Variants in CNKSR1 observed in about 807,000 individuals in gnomAD.
CNKSR1 encodes connector enhancer of kinase suppressor of Ras 1.
Under a neutral mutation model 95.6 loss-of-function variants are expected in CNKSR1, and 88 were observed. The ratio of observed to expected loss-of-function variants is 0.92; its 90% CI spans 0.78 to 1.10. The LOEUF is 1.10. Among genes scored for constraint, CNKSR1 ranks in the 50% least tolerant of loss-of-function variants. The pLI is 0.00. For synonymous variants in CNKSR1, 355 were observed against 369.7 expected (o/e 0.96, Z 0.46); for missense variants, 836 against 912.0 (o/e 0.92, Z 1.07).
chr1:26,187,862 C>T (rs995476517), intron 16 of CNKSR1, among the ~76,000 whole-genome samples: 10 of 151,944 alleles, frequency 6.6e-5, no homozygotes, highest in African/African-American at 2.4e-4. Flanking sequence ...ACCTTGTGAT[C>T]CGCCTGCCTC....
At position 26,187,407 on chromosome 1, in the gene CNKSR1, G is replaced by T; in HGVS notation, c.1383-4G>T. 1 of 1,614,004 alleles carries T rather than the reference G, an allele frequency of 6.2e-7. No homozygotes were observed. Among genetic ancestry groups the T allele is most frequent in the Non-Finnish European group, 8.5e-7 (1 of 1,179,952 alleles). On this transcript the variant is annotated splice_polypyrimidine_tract_variant and splice_region_variant and intron_variant, in intron 15 of 20. Coordinates refer to ENST00000361530, the MANE Select transcript of CNKSR1 (RefSeq NM_006314.3). The stretch of plus-strand genomic sequence containing the variant: ...CTGAGTGATGCTCCTCCACTACCTG[G>T]CAGTGTGTTTCAGCTCACCCATGAT...
At position 26,187,166 on chromosome 1, in the gene CNKSR1, A is replaced by G. The variant is rs1311140273; in HGVS notation, c.1309-2A>G. ...CTGACCCTCATGCTGTGATCCCCCC[A>G]GGATGAGAAGGCTGAGGGCCTCATC... On this transcript the variant is annotated splice_acceptor_variant, in intron 14 of 20. Transcript: ENST00000361530. LOFTEE classifies it high-confidence loss of function. 2.5e-6 allele frequency: 4 copies of G among 1,613,560 alleles called. No individual in the cohort carries two copies. In the Admixed American group the frequency reaches 5.0e-5, roughly 20 times the overall value.
In CNKSR1 at chr1:26,184,594, G is replaced by A; in HGVS notation, c.1117G>A (p.Gly373Ser). The change falls in exon 13 of 21, where the codon GGT (glycine) becomes AGT (serine). Residue 373 changes from glycine (G) to serine (S), a missense_variant. By Grantham distance (56) the Gly-to-Ser change is moderately conservative (BLOSUM62 0). Transcript: ENST00000361530. ...TCTGCTGTCCTTTCAGAGTCCTGTT[G>A]GTCGGAAGAAATCAAAAGGTATGAG... is the stretch of plus-strand genomic sequence containing the variant. ...LPESPDKSPVGRKKSKGLATR... is the reference protein window; with the variant it reads ...LPESPDKSPVSRKKSKGLATR... 1 of 1,606,588 alleles carries A rather than the reference G, an allele frequency of 6.2e-7. No homozygotes were observed. The highest frequency in any genetic ancestry group is 8.5e-7 in the Non-Finnish European group (1 of 1,176,876).
At chr1:26,184,014 C>T (rs1052318474) in intron 9 of CNKSR1, 57 bp from the exon 10 acceptor site, 3 of 1,315,350 alleles carry the variant, frequency 2.3e-6, no homozygotes, top group Non-Finnish European at 3.3e-6. Context: ...CCCCTGTTGC[C>T]CCCCAACCTG....
intron 3 of CNKSR1, chr1:26,181,595 CAA>C: frequency 2.2e-6 from 1 of 446,506 alleles, no homozygotes; most frequent in South Asian, 2.4e-5. Context: ...TCATTACAGC[CAA>C]AGTTAAATTG....
chr1:26,188,961 G>A lies in CNKSR1; in HGVS notation c.1872+8G>A. 1 of 1,612,490 alleles carries A rather than the reference G, an allele frequency of 6.2e-7. No homozygotes were observed. On this transcript the variant is annotated splice_region_variant and intron_variant, in intron 20 of 20. Transcript: ENST00000361530. Reference sequence around the variant, plus strand: ...CTACAGAGCACACTCAAGGTCAGCTGGGGGGCTCTGGGCACAGCAAGGGAC... The same window carrying A: ...CTACAGAGCACACTCAAGGTCAGCTAGGGGGCTCTGGGCACAGCAAGGGAC...
chr1:26,187,570 A>G, intron 16 of CNKSR1, 88 bp downstream of exon 16: 1 of 1,302,508 alleles, frequency 7.7e-7, no homozygotes, highest in Non-Finnish European at 1.1e-6. Flanking sequence ...CTGGAGATAC[A>G]AATTCCAGCT....
At position 26,183,814 on chromosome 1, in the gene CNKSR1, C is replaced by T. The variant is rs200509229; in HGVS notation, c.839C>T (p.Pro280Leu). 3.7e-5 allele frequency: 60 copies of T among 1,607,442 alleles called. No homozygotes were observed. Among genetic ancestry groups the T allele is most frequent in the South Asian group, 7.7e-5 (7 of 90,850 alleles). The change falls in exon 9 of 21, where the codon CCG becomes CTG. Residue 280 changes from proline to leucine, a missense_variant. Transcript: ENST00000361530. ...TTAGTGCTGAAGAAGATCCCGATACCGGAGACCCCCCCACAGGTACCTTCC... is the reference window on the plus strand; with the variant it reads ...TTAGTGCTGAAGAAGATCCCGATACTGGAGACCCCCCCACAGGTACCTTCC... ...LSLVLKKIPIPETPPQTPPQV... is the reference protein window; with the variant it reads ...LSLVLKKIPILETPPQTPPQV...
rs1557623481 is a variant in CNKSR1, at chr1:26,185,136, CGCT to C, written c.1260_1262del (p.Trp421del). The C allele has an allele frequency of 6.3e-7, 1 of 1,577,706 alleles. No individual in the cohort carries two copies. The highest frequency in any genetic ancestry group is 2.3e-5 in the East Asian group (1 of 43,064). On this transcript the variant is annotated inframe_deletion, in exon 14 of 21. Transcript: ENST00000361530. Reference sequence around the variant, plus strand: ...CTTCATGGGCCCGCGCTGGCGCCGCCGCTGGTTTGTGCTCAAGGGACACACGCT... The same window carrying C: ...CTTCATGGGCCCGCGCTGGCGCCGCCGGTTTGTGCTCAAGGGACACACGCT...
intron 7 of CNKSR1, 39 bp from the exon 8 acceptor site, chr1:26,183,307 G>A (rs923675283): frequency 2.2e-5 from 36 of 1,614,022 alleles, no homozygotes; most frequent in Non-Finnish European, 2.3e-5. Flanking sequence ...CCTCTCACCT[G>A]CAAGCCAGGC....
At chr1:26,184,645 C>T in intron 13 of CNKSR1, 33 bp downstream of exon 13, 2 of 1,578,896 alleles carry the variant, frequency 1.3e-6, no homozygotes, top group South Asian at 1.2e-5. Context: ...TGGGGGTTCC[C>T]CTGTTTGAGG....
chr1:26,177,992 C>T (rs1361245743), intron 1 of CNKSR1, among the ~76,000 whole-genome samples: 5 of 151,928 alleles, frequency 3.3e-5, no homozygotes, highest in African/African-American at 7.2e-5. Context: ...TAATAAACTG[C>T]GGGCTCTATC....
rs2124517546 is a variant in CNKSR1 at position 26,188,708 on chromosome 1, G to A, written c.1690+11G>A. ...TTGGCTCTCTGACAGGTGCTGGGCT[G>A]GAGTTGGGAGCTGGGCTGGGGGCTG... On this transcript the variant is annotated intron_variant, in intron 19 of 20. Coordinates refer to ENST00000361530, the MANE Select transcript of CNKSR1 (RefSeq NM_006314.3). 3 of 1,613,178 alleles carry A rather than the reference G, an allele frequency of 1.9e-6. No homozygotes were observed. The highest frequency in any genetic ancestry group is 2.5e-6 in the Non-Finnish European group (3 of 1,179,472).
chr1:26,189,655 G>T lies in CNKSR1; in HGVS notation c.*107G>T, dbSNP rs995472301. 7.6e-6 allele frequency: 6 copies of T among 790,802 alleles called. No individual in the cohort carries two copies. Among genetic ancestry groups the T allele is most frequent in the Non-Finnish European group, 1.4e-5 (6 of 428,658 alleles). 49.0% of individuals were successfully genotyped at this position (790,802 alleles called of 1,614,324 possible). ...CCCTGGATTCTGTTCAGGGTGGGAA[G>T]TAGTACTGCTAGTCATGGTCTCACC... On this transcript the variant is annotated 3_prime_UTR_variant, in exon 21 of 21. Coordinates refer to ENST00000361530, the MANE Select transcript of CNKSR1 (RefSeq NM_006314.3).
Position 26,189,682 on chromosome 1 carries a change from C to T in CNKSR1, c.*134C>T, listed in dbSNP as rs757022566. Reference sequence around the variant, plus strand: ...AGTACTGCTAGTCATGGTCTCACCCCGAGCTGACCCCTCTGCCTGGGCTTT... The same window carrying T: ...AGTACTGCTAGTCATGGTCTCACCCTGAGCTGACCCCTCTGCCTGGGCTTT... On this transcript the variant is annotated 3_prime_UTR_variant, in exon 21 of 21. Transcript: ENST00000361530. 6 of 770,102 alleles carry T rather than the reference C, an allele frequency of 7.8e-6. No individual in the cohort carries two copies. The highest frequency in any genetic ancestry group is 9.6e-6 in the Non-Finnish European group (4 of 417,984). 47.7% of individuals were successfully genotyped at this position (770,102 alleles called of 1,614,324 possible). A position where few individuals can be genotyped will look rare whatever the true frequency, so the allele number is the denominator to read the frequency against.
intron 14 of CNKSR1, among the ~76,000 whole-genome samples, chr1:26,185,916 A>G (rs551912511): frequency 6.6e-6 from 1 of 152,138 alleles, no homozygotes. Flanking sequence ...TTACTCATTT[A>G]TTCATTCAGG....
chr1:26,185,484 C>T (rs1279755171), intron 14 of CNKSR1, among the ~76,000 whole-genome samples: 2 of 150,646 alleles, frequency 1.3e-5, no homozygotes, highest in African/African-American at 2.5e-5. Flanking sequence ...GCTCTACCTT[C>T]CGGGTTCACG....
In CNKSR1 at chr1:26,185,644, G is replaced by A. The variant is rs183360890; in HGVS notation, c.1308+458G>A. Among the ~76,000 whole-genome samples, 580 of 151,854 alleles carry A rather than the reference G, an allele frequency of 3.8e-3. 8 individuals carry two copies. Among genetic ancestry groups the A allele is most frequent in the African/African-American group, 0.013 (559 of 41,410 alleles). On this transcript the variant is annotated intron_variant, in intron 14 of 20. Coordinates refer to ENST00000361530, the MANE Select transcript of CNKSR1 (RefSeq NM_006314.3). ...CCTGACCTCGTGATCCACCTGCCTC[G>A]GCCTCCCAAAGTGCTGGGATTACAG... is the stretch of plus-strand genomic sequence containing the variant.
At chr1:26,180,650 A>G in intron 2 of CNKSR1, 40 bp downstream of exon 2, 1 of 1,613,868 alleles carries the variant, frequency 6.2e-7, no homozygotes, top group South Asian at 1.1e-5. Flanking sequence ...GCTTCCACCA[A>G]CCTGGGGGGT....
Sources: allele counts gnomAD v4.1 joint callset (sites outside exome capture counted in the v4.1 genomes callset), GRCh38; gene constraint gnomAD v4.1.1; transcripts MANE v1.5; gene names NCBI Gene and HGNC (gene_info 2026-07-23, HGNC 2026-07-21).